The following TLE6 variants were observed in gnomAD, a reference collection of about 807,000 sequenced individuals.
TLE6 encodes TLE family member 6, subcortical maternal complex member, also known as transducin-like enhancer protein 6.
TLE6 carries 72 observed loss-of-function variants against 77.1 expected under a neutral mutation model. The observed-to-expected ratio is 0.93, with a 90% CI of 0.77 to 1.14. TLE6 has a LOEUF of 1.14. Among genes scored for constraint, TLE6 ranks in the 50% most tolerant of loss-of-function variants. The pLI is 0.00. For missense variants in TLE6, 843 were observed against 747.6 expected (o/e 1.13, Z -1.49); for synonymous variants, 366 against 287.3 (o/e 1.27, Z -2.77).
intron 5 of TLE6, among the ~76,000 whole-genome samples, chr19:2,985,665 C>T (rs1387511841): frequency 3.3e-5 from 5 of 150,134 alleles, no homozygotes; most frequent in Admixed American, 6.6e-5. Flanking sequence ...ATGATCCGCC[C>T]GCCTCGGCCT....
intron 12 of TLE6, 105 bp from the exon 13 acceptor site, chr19:2,989,430 A>T: frequency 1.3e-6 from 2 of 1,571,062 alleles, no homozygotes; most frequent in Non-Finnish European, 1.7e-6. Flanking sequence ...GGGGCATAAT[A>T]GCTAGGAACC....
chr19:2,986,591 G>A (rs2088916050), intron 5 of TLE6, among the ~76,000 whole-genome samples: 1 of 151,870 alleles, frequency 6.6e-6, no homozygotes, highest in African/African-American at 2.4e-5. Flanking sequence ...GTGTGCACCT[G>A]TAATCCCAGC....
intron 2 of TLE6, among the ~76,000 whole-genome samples, 153 bp from the exon 3 acceptor site, chr19:2,979,947 G>A (rs1230435947): frequency 7.3e-6 from 1 of 136,376 alleles, no homozygotes; most frequent in Non-Finnish European, 1.5e-5. Flanking sequence ...CTGGGCGACA[G>A]AGCAAGACTC....
Position 2,980,195 on chromosome 19 carries a change from C to G in TLE6, c.134+13C>G. 2 of 1,544,528 alleles carry G rather than the reference C, an allele frequency of 1.3e-6. No homozygotes were observed. The highest frequency in any genetic ancestry group is 1.8e-6 in the Non-Finnish European group (2 of 1,142,420). On this transcript the variant is annotated intron_variant, in intron 3 of 16. Coordinates refer to ENST00000246112, the MANE Select transcript of TLE6 (RefSeq NM_001143986.2). ...AGCAGTTCCCCAGGTGAGAGCAATTCCAGGGGCCGGAGGTCTCACGCTGGG... is the reference window on the plus strand; with the variant it reads ...AGCAGTTCCCCAGGTGAGAGCAATTGCAGGGGCCGGAGGTCTCACGCTGGG...
chr19:2,986,453 C>G, intron 5 of TLE6, among the ~76,000 whole-genome samples: 1 of 151,360 alleles, frequency 6.6e-6, no homozygotes. Context: ...GTGGCTTATG[C>G]CTATAATCCC....
In TLE6 at chr19:2,989,607, C is replaced by T; in HGVS notation, c.1066C>T (p.Leu356=). Residue 356 remains leucine (L), a synonymous_variant, in exon 13 of 17, where the codon CTG becomes TTG. Transcript: ENST00000246112. The stretch of plus-strand genomic sequence containing the variant: ...GAGCCTGCTCACCGGTGGCTACAAC[C>T]TGGCCAGCGTGAGCGTGTGGGACCT... ...SRSLLTGGYN[L]ASVSVWDLAA... The T allele has an allele frequency of 6.2e-7, 1 of 1,614,088 alleles. No individual in the cohort carries two copies. Among genetic ancestry groups the T allele is most frequent in the Non-Finnish European group, 8.5e-7 (1 of 1,180,018 alleles).
chr19:2,988,420 C>A (rs1175214845), intron 11 of TLE6, among the ~76,000 whole-genome samples: 2 of 152,068 alleles, frequency 1.3e-5, no homozygotes, highest in Non-Finnish European at 2.9e-5. Flanking sequence ...CACGGTGAAA[C>A]CCCGTCTCTA....
intron 5 of TLE6, among the ~76,000 whole-genome samples, chr19:2,983,221 T>A (rs550325830): frequency 3.9e-5 from 6 of 152,256 alleles, no homozygotes; most frequent in African/African-American, 1.4e-4. Flanking sequence ...AGCAGATATT[T>A]ATCCATCACC....
At position 2,978,332 on chromosome 19, in the gene TLE6, C is replaced by T. The variant is rs12104274; in HGVS notation, c.51+48C>T. 5.8e-6 allele frequency: 9 copies of T among 1,542,846 alleles called. No homozygotes were observed. The African/African-American group carries it at 1.1e-4, about 19-fold the overall frequency. On this transcript the variant is annotated intron_variant, in intron 2 of 16. Transcript: ENST00000246112. ...TCAGCCCTCAAGGGAAACCCGGGCC[C>T]AATGTGGTTCTGCCCCTTTTCCACC...
In TLE6 at chr19:2,992,809, G is replaced by T. The variant is rs1318005746; in HGVS notation, c.1387-623G>T. ...AAAAAAAAAAGGGGGGGAGGCGGGT[G>T]GGGGGGGGGGAGGATGAACTCTGGG... On this transcript the variant is annotated intron_variant, in intron 14 of 16. Coordinates refer to ENST00000246112, the MANE Select transcript of TLE6 (RefSeq NM_001143986.2). Among the ~76,000 whole-genome samples the T allele has an allele frequency of 2.6e-3, 7 of 2,684 alleles. 1 individual carries two copies. Among genetic ancestry groups the T allele is most frequent in the Admixed American group, 4.8e-3 (1 of 208 alleles). The allele number at this position is 2,684 out of a possible 152,430, so 1.8% of individuals were successfully genotyped here.
chr19:2,983,767 G>A (rs1033900694), intron 5 of TLE6: 5 of 152,910 alleles, frequency 3.3e-5, no homozygotes, highest in African/African-American at 9.6e-5. Context: ...AGAGAAGAAG[G>A]AGGAGGGATG....
chr19:2,983,044 C>A (rs1444623013), intron 5 of TLE6, among the ~76,000 whole-genome samples: 1 of 152,138 alleles, frequency 6.6e-6, no homozygotes, highest in Non-Finnish European at 1.5e-5. Flanking sequence ...CCTCCCGCCA[C>A]CTGGCCTTTT....
At chr19:2,977,852 G>A (rs1437714192) in intron 1 of TLE6, among the ~76,000 whole-genome samples, 6 of 152,178 alleles carry the variant, frequency 3.9e-5, no homozygotes, top group Admixed American at 3.9e-4. Context: ...CTGCGCTTTA[G>A]GAAATTGTCT....
At chr19:2,992,142 C>T (rs375014809) in intron 14 of TLE6, among the ~76,000 whole-genome samples, 158 bp downstream of exon 14, 5 of 152,142 alleles carry the variant, frequency 3.3e-5, no homozygotes, top group South Asian at 2.1e-4. Context: ...TTGAGACCAG[C>T]GTGGCCAACA....
At position 2,987,445 on chromosome 19, in the gene TLE6, G is replaced by A. The variant is rs2088940603; in HGVS notation, c.558+73G>A. 14 of 1,594,532 alleles carry A rather than the reference G, an allele frequency of 8.8e-6. 1 individual carries two copies. Among genetic ancestry groups the A allele is most frequent in the African/African-American group, 1.3e-5 (1 of 74,580 alleles). ...GGCGGTTGGGCTCCCCCAGGTCAGG[G>A]CACTGGGGTTCCTGTGGGATTTGTC... On this transcript the variant is annotated intron_variant, in intron 8 of 16. Transcript: ENST00000246112.
chr19:2,989,894 C>T, intron 13 of TLE6, 109 bp downstream of exon 13: 1 of 1,477,456 alleles, frequency 6.8e-7, no homozygotes, highest in Non-Finnish European at 9.2e-7. Flanking sequence ...CCTCCTGAAC[C>T]TGGGATATAG....
Position 2,987,724 on chromosome 19 carries a change from G to A in TLE6, c.559G>A (p.Gly187Arg), listed in dbSNP as rs889621175. ...CTGATGAGACTTTTCCATTTTCCAGGGGCAGGAAAGCAAGGCACCAGGATC... is the reference window on the plus strand; with the variant it reads ...CTGATGAGACTTTTCCATTTTCCAGAGGCAGGAAAGCAAGGCACCAGGATC... ...PRDRQQAPGLGQESKAPGSCD... is the reference protein window; with the variant it reads ...PRDRQQAPGLRQESKAPGSCD... The change falls in exon 9 of 17, where the codon GGG (glycine) becomes AGG (arginine). Residue 187 changes from glycine to arginine, a missense_variant and splice_region_variant. Physicochemically the swap from Gly to Arg is moderately radical, Grantham distance 125. Coordinates refer to ENST00000246112, the MANE Select transcript of TLE6 (RefSeq NM_001143986.2). 6.2e-7 allele frequency: 1 copy of A among 1,614,122 alleles called. No homozygotes were observed. Among genetic ancestry groups the A allele is most frequent in the South Asian group, 1.1e-5 (1 of 91,070 alleles).
At position 2,986,939 on chromosome 19, in the gene TLE6, G is replaced by A. The variant is rs2088924585; in HGVS notation, c.286-44G>A. 7 of 1,556,054 alleles carry A rather than the reference G, an allele frequency of 4.5e-6. No homozygotes were observed. In the East Asian group the frequency reaches 9.7e-5, roughly 22 times the overall value. On this transcript the variant is annotated intron_variant, in intron 6 of 16. Transcript: ENST00000246112. ...AGGGGAGGGGACAGGCTTGGGTGAA[G>A]GCTCATCCTCAAAGCTCTCACTGCC...
chr19:2,991,975 C>A lies in TLE6; in HGVS notation c.1377C>A (p.Phe459Leu). The change falls in exon 14 of 17, where the codon TTC (phenylalanine) becomes TTA (leucine). Residue 459 changes from phenylalanine to leucine, a missense_variant. Physicochemically the swap from Phe to Leu is conservative, Grantham distance 22. Coordinates refer to ENST00000246112, the MANE Select transcript of TLE6 (RefSeq NM_001143986.2). ...RTIMKPLEYQFKSQIMSLSHS... is the reference protein window; with the variant it reads ...RTIMKPLEYQLKSQIMSLSHS... ...TCATGAAACCTCTGGAGTACCAATT[C>A]AAGTCTCAGGTGCGGAGGCCGGGAT... 6.2e-7 allele frequency: 1 copy of A among 1,613,672 alleles called. No individual in the cohort carries two copies. The highest frequency in any genetic ancestry group is 1.1e-5 in the South Asian group (1 of 91,046).
Sources: allele counts gnomAD v4.1 joint callset (sites outside exome capture counted in the v4.1 genomes callset), GRCh38; gene constraint gnomAD v4.1.1; transcripts MANE v1.5; gene names NCBI Gene and HGNC (gene_info 2026-07-23, HGNC 2026-07-21).